Variants in EFNA5 observed in about 807,000 individuals in gnomAD.
EFNA5 encodes ephrin A5.
In EFNA5, 5 loss-of-function variants were observed where a neutral mutation model predicts 22.9. That is an observed-to-expected ratio of 0.22 (90% CI 0.11 to 0.46). The LOEUF is 0.46. EFNA5 is among the 20% of genes least tolerant of loss of function. The pLI is 0.99. For missense variants in EFNA5, 237 were observed against 293.3 expected, an observed-to-expected ratio of 0.81 and a Z score of 1.40; for synonymous variants, 113 against 112.2, an observed-to-expected ratio of 1.01 and a Z score of -0.04.
chr5:107,639,422 C>G (rs768390524), intron 1 of EFNA5, among the ~76,000 whole-genome samples: 1 of 152,206 alleles, frequency 6.6e-6, no homozygotes, highest in Non-Finnish European at 1.5e-5. Flanking sequence ...TAACTTTCAT[C>G]CAATAATCTC....
At chr5:107,593,353 T>C (rs1749414618) in intron 1 of EFNA5, among the ~76,000 whole-genome samples, 1 of 152,198 alleles carries the variant, frequency 6.6e-6, no homozygotes, top group African/African-American at 2.4e-5. Context: ...AGAACAAATC[T>C]GTTCTTTCTG....
At position 107,655,006 on chromosome 5, in the gene EFNA5, G is replaced by A. The variant is rs976528128; in HGVS notation, c.125+15483C>T. ...CATGCAATCTGATCAATCAACATGC[G>A]CTCATGGAAAAAAAAAAATGCTGAG... On this transcript the variant is annotated intron_variant, in intron 1 of 4. Coordinates refer to ENST00000333274, the MANE Select transcript of EFNA5 (RefSeq NM_001962.3). Among the ~76,000 whole-genome samples, 3 of 134,614 alleles carry A rather than the reference G, an allele frequency of 2.2e-5. 1 individual carries two copies. The highest frequency in any genetic ancestry group is 7.8e-5 in the Admixed American group (1 of 12,840). The allele number at this position is 134,614 out of a possible 152,430, so 88.3% of individuals were successfully genotyped here. A position where few individuals can be genotyped will look rare whatever the true frequency, so the allele number is the denominator to read the frequency against.
At chr5:107,595,898 T>C (rs1990993) in intron 1 of EFNA5, among the ~76,000 whole-genome samples, 35,165 of 152,136 alleles carry the variant, frequency 0.23, 4,566 homozygotes, top group Middle Eastern at 0.38. Context: ...GAAAAAGATA[T>C]ATAAACCTAA....
chr5:107,577,839 G>A (rs897019093), intron 1 of EFNA5, among the ~76,000 whole-genome samples: 1 of 152,146 alleles, frequency 6.6e-6, no homozygotes, highest in Non-Finnish European at 1.5e-5. Flanking sequence ...GGCTGCATCA[G>A]CAAGCATATT....
At chr5:107,657,711 A>C (rs981466121) in intron 1 of EFNA5, among the ~76,000 whole-genome samples, 6 of 152,276 alleles carry the variant, frequency 3.9e-5, no homozygotes, top group South Asian at 4.1e-4. Flanking sequence ...CCTGACTTAA[A>C]GTACAAACCG....
intron 1 of EFNA5, among the ~76,000 whole-genome samples, chr5:107,442,590 G>C (rs916299718): frequency 6.6e-6 from 1 of 152,112 alleles, no homozygotes; most frequent in African/African-American, 2.4e-5. Context: ...GCAATTTCCA[G>C]CTGAATTACA....
chr5:107,419,125 C>T (rs894310947), intron 2 of EFNA5, among the ~76,000 whole-genome samples: 2 of 152,178 alleles, frequency 1.3e-5, no homozygotes, highest in African/African-American at 2.4e-5. Flanking sequence ...GCTGATGCTG[C>T]GTATGCATGC....
intron 1 of EFNA5, among the ~76,000 whole-genome samples, chr5:107,555,306 T>C (rs1285995356): frequency 1.3e-5 from 2 of 152,210 alleles, no homozygotes; most frequent in African/African-American, 4.8e-5. Flanking sequence ...TTAATCTATT[T>C]GGTCAGCCAA....
intron 1 of EFNA5, among the ~76,000 whole-genome samples, chr5:107,464,292 C>T (rs1285947507): frequency 6.6e-6 from 1 of 152,138 alleles, no homozygotes; most frequent in African/African-American, 2.4e-5. Flanking sequence ...TCCCTCCAAT[C>T]TTCACTACCC....
chr5:107,440,209 G>A (rs543493700), intron 1 of EFNA5, among the ~76,000 whole-genome samples: 6 of 152,142 alleles, frequency 3.9e-5, no homozygotes, highest in East Asian at 1.9e-4. Flanking sequence ...AAACATAAGC[G>A]GGAGAAAGAA....
chr5:107,571,144 G>C (rs1391119819), intron 1 of EFNA5, among the ~76,000 whole-genome samples: 1 of 152,170 alleles, frequency 6.6e-6, no homozygotes, highest in Admixed American at 6.5e-5. Context: ...AGCGAGTGGG[G>C]GAAGAGGGCT....
chr5:107,624,205 G>A (rs1384218940), intron 1 of EFNA5, among the ~76,000 whole-genome samples: 1 of 152,076 alleles, frequency 6.6e-6, no homozygotes, highest in Non-Finnish European at 1.5e-5. Flanking sequence ...AGGCAAAAGT[G>A]ACCCACAGAC....
rs374392130 is a variant in EFNA5 at position 107,406,386 on chromosome 5, G to A, written c.419-18615C>T. ...TATTTGAGCCATGCAGGCCTTCTTG[G>A]TGCTTCTCCAGGCCCACGATCTCTG... On this transcript the variant is annotated intron_variant, in intron 2 of 4. Transcript: ENST00000333274. Among the ~76,000 whole-genome samples, 25 of 151,888 alleles carry A rather than the reference G, an allele frequency of 1.6e-4. No homozygotes were observed. The East Asian group carries it at 2.7e-3, about 17-fold the overall frequency.
chr5:107,653,072 G>C (rs764414344), intron 1 of EFNA5, among the ~76,000 whole-genome samples: 3 of 151,996 alleles, frequency 2.0e-5, no homozygotes, highest in Non-Finnish European at 2.9e-5. Context: ...GGCTGACAGA[G>C]GCATCAGAAC....
chr5:107,500,042 T>C (rs1561413924), intron 1 of EFNA5, among the ~76,000 whole-genome samples: 1 of 152,196 alleles, frequency 6.6e-6, no homozygotes, highest in East Asian at 1.9e-4. Flanking sequence ...AAAGCAGTTG[T>C]GATTTGGCAT....
At chr5:107,641,278 A>T (rs757367791) in intron 1 of EFNA5, among the ~76,000 whole-genome samples, 1 of 151,912 alleles carries the variant, frequency 6.6e-6, no homozygotes, top group African/African-American at 2.4e-5. Flanking sequence ...GAATCACTTG[A>T]ACCCAGGAGG....
intron 2 of EFNA5, among the ~76,000 whole-genome samples, chr5:107,396,370 G>A (rs967901137): frequency 6.6e-6 from 1 of 152,176 alleles, no homozygotes; most frequent in African/African-American, 2.4e-5. Context: ...ACCTGTTTTA[G>A]AGGGGCAGTA....
chr5:107,538,726 A>G (rs1247214471), intron 1 of EFNA5, among the ~76,000 whole-genome samples: 2 of 152,248 alleles, frequency 1.3e-5, no homozygotes, highest in Non-Finnish European at 2.9e-5. Flanking sequence ...AGAAGATTCA[A>G]GAAGAGATAA....
At position 107,606,538 on chromosome 5, in the gene EFNA5, A is replaced by AACACAC. The variant is rs58031827; in HGVS notation, c.125+63945_125+63950dup. ...ATCATAGACACACACTTGCACGTAC[A>AACACAC]ACACACACACACACACACACACACA... On this transcript the variant is annotated intron_variant, in intron 1 of 4. Coordinates refer to ENST00000333274, the MANE Select transcript of EFNA5 (RefSeq NM_001962.3). 6.8e-3 allele frequency among the ~76,000 whole-genome samples: 982 copies of AACACAC among 144,170 alleles called. 5 individuals carry two copies. The highest frequency in any genetic ancestry group is 0.01 in the Middle Eastern group (3 of 288). The allele number at this position is 144,170 out of a possible 152,430, so 94.6% of individuals were successfully genotyped here.
Sources: allele counts gnomAD v4.1 joint callset (sites outside exome capture counted in the v4.1 genomes callset), GRCh38; gene constraint gnomAD v4.1.1; transcripts MANE v1.5; gene names NCBI Gene and HGNC (gene_info 2026-07-23, HGNC 2026-07-21).